PDSS2: variants seen among roughly 807,000 people sequenced by gnomAD.
PDSS2 encodes the protein decaprenyl diphosphate synthase subunit 2.
In PDSS2, 31 loss-of-function variants were observed where a neutral mutation model predicts 44.5. The observed-to-expected ratio is 0.70, with a 90% CI of 0.52 to 0.94. The LOEUF (loss-of-function observed/expected upper bound fraction) is 0.94. Among genes scored for constraint, PDSS2 ranks in the 40% least tolerant of loss-of-function variants. The pLI, the probability that PDSS2 is intolerant of heterozygous loss-of-function variation, is 0.00. For missense variants in PDSS2, 452 were observed against 482.2 expected, an observed-to-expected ratio of 0.94 and a Z score of 0.59; for synonymous variants, 157 against 180.3, an observed-to-expected ratio of 0.87 and a Z score of 1.03.
At chr6:107,288,891 T>TG (rs1776250304) in intron 2 of PDSS2, among the ~76,000 whole-genome samples, 1 of 149,410 alleles carries the variant, frequency 6.7e-6, no homozygotes. Context: ...CCCGAGTAGC[T>TG]GGGATTACAC....
chr6:107,225,808 C>G (rs1370341867), intron 4 of PDSS2, among the ~76,000 whole-genome samples: 1 of 152,132 alleles, frequency 6.6e-6, no homozygotes, highest in Non-Finnish European at 1.5e-5. Flanking sequence ...TTCATTTAAA[C>G]TTGGGAAGAC....
chr6:107,423,264 T>C (rs1780883962), intron 1 of PDSS2, among the ~76,000 whole-genome samples: 1 of 152,098 alleles, frequency 6.6e-6, no homozygotes, highest in Admixed American at 6.5e-5. Flanking sequence ...CCATTTGTCA[T>C]AGAAGAAAGC....
chr6:107,448,978 CCACT>C (rs1022262664), intron 1 of PDSS2, among the ~76,000 whole-genome samples: 1 of 152,162 alleles, frequency 6.6e-6, no homozygotes, highest in Non-Finnish European at 1.5e-5. Context: ...CAATTACCAC[CCACT>C]GAGTCCCTCC....
In PDSS2 at chr6:107,407,516, T is replaced by C. The variant is rs187050783; in HGVS notation, c.296+51474A>G. On this transcript the variant is annotated intron_variant, in intron 1 of 7. Transcript: ENST00000369037. ...TTGGAGGTATGAGGAATTTGTTTTC[T>C]ATGCCACTTACCAACTTGTTAGCAA... Among the ~76,000 whole-genome samples the C allele has an allele frequency of 1.3e-4, 20 of 152,344 alleles. No homozygotes were observed. In the East Asian group the frequency reaches 3.9e-3, roughly 29 times the overall value.
intron 1 of PDSS2, among the ~76,000 whole-genome samples, chr6:107,427,992 G>A (rs1781058585): frequency 6.6e-6 from 1 of 152,128 alleles, no homozygotes; most frequent in African/African-American, 2.4e-5. Context: ...TTTTTACAGA[G>A]GTTGTGCACC....
At chr6:107,287,510 T>G (rs570964312) in intron 2 of PDSS2, among the ~76,000 whole-genome samples, 1 of 152,166 alleles carries the variant, frequency 6.6e-6, no homozygotes, top group African/African-American at 2.4e-5. Flanking sequence ...AAACATTTTT[T>G]TAATTAAAAA....
intron 7 of PDSS2, among the ~76,000 whole-genome samples, chr6:107,181,479 T>G (rs1279604369): frequency 3.0e-5 from 4 of 133,126 alleles, no homozygotes; most frequent in Non-Finnish European, 4.8e-5. Flanking sequence ...GTTGCAGTAA[T>G]TTAAGATTGT....
intron 1 of PDSS2, among the ~76,000 whole-genome samples, chr6:107,377,751 T>C (rs1469864432): frequency 1.3e-5 from 2 of 151,860 alleles, no homozygotes; most frequent in African/African-American, 2.4e-5. Flanking sequence ...ATGGATGAAA[T>C]TGGAAATCAT....
intron 6 of PDSS2, among the ~76,000 whole-genome samples, chr6:107,209,363 T>C (rs889839413): frequency 6.6e-6 from 1 of 152,128 alleles, no homozygotes; most frequent in Non-Finnish European, 1.5e-5. Flanking sequence ...GGATATGCCA[T>C]GTTTACTGAG....
chr6:107,438,087 C>A (rs1341686003), intron 1 of PDSS2, among the ~76,000 whole-genome samples: 3 of 152,134 alleles, frequency 2.0e-5, no homozygotes, highest in Non-Finnish European at 4.4e-5. Flanking sequence ...TAACAGGCAG[C>A]AAGGTGGATA....
At chr6:107,172,118 T>C (rs1554248746) in intron 7 of PDSS2, among the ~76,000 whole-genome samples, 1 of 152,118 alleles carries the variant, frequency 6.6e-6, no homozygotes, top group African/African-American at 2.4e-5. Flanking sequence ...GGGGATCCAA[T>C]TAAAGATATT....
chr6:107,273,907 T>C (rs1775685147), intron 3 of PDSS2, 122 bp downstream of exon 3: 3 of 762,810 alleles, frequency 3.9e-6, no homozygotes, highest in South Asian at 2.8e-5. Context: ...ACAGTTTTAC[T>C]GTTTACTGAG....
intron 7 of PDSS2, among the ~76,000 whole-genome samples, chr6:107,178,865 C>A (rs1422833704): frequency 6.6e-6 from 1 of 152,038 alleles, no homozygotes; most frequent in African/African-American, 2.4e-5. Flanking sequence ...TTAAAAAAAA[C>A]AAATAACAAA....
intron 1 of PDSS2, among the ~76,000 whole-genome samples, chr6:107,401,269 A>T (rs192435829): frequency 3.3e-3 from 505 of 152,290 alleles, no homozygotes; most frequent in Non-Finnish European, 5.5e-3. Context: ...CTGGTACATT[A>T]CTACTACAAC....
intron 6 of PDSS2, among the ~76,000 whole-genome samples, chr6:107,204,920 G>T (rs1272419475): frequency 6.6e-6 from 1 of 152,142 alleles, no homozygotes; most frequent in Non-Finnish European, 1.5e-5. Flanking sequence ...GAGATATCTA[G>T]AGCCATTTCA....
intron 2 of PDSS2, among the ~76,000 whole-genome samples, chr6:107,304,965 A>C (rs1776810027): frequency 6.6e-6 from 1 of 151,632 alleles, no homozygotes; most frequent in South Asian, 2.1e-4. Flanking sequence ...CTGCTCCTCC[A>C]GTCCCCTCTT....
At chr6:107,179,810 G>A (rs1177290473) in intron 7 of PDSS2, among the ~76,000 whole-genome samples, 2 of 152,190 alleles carry the variant, frequency 1.3e-5, no homozygotes, top group African/African-American at 4.8e-5. Flanking sequence ...TGGGGAGGCT[G>A]AGTAGTGCTT....
At chr6:107,197,604 A>C (rs1772613223) in intron 6 of PDSS2, among the ~76,000 whole-genome samples, 1 of 152,046 alleles carries the variant, frequency 6.6e-6, no homozygotes, top group Non-Finnish European at 1.5e-5. Flanking sequence ...ATGTTGGGTC[A>C]TAGAAGTGTC....
At chr6:107,321,656 T>C (rs1286975446) in intron 2 of PDSS2, among the ~76,000 whole-genome samples, 1 of 152,200 alleles carries the variant, frequency 6.6e-6, no homozygotes, top group African/African-American at 2.4e-5. Context: ...AAACCAGCTC[T>C]ACTTCTGCCA....
Sources: gnomAD v4.1 joint callset for allele counts (sites outside exome capture counted in the v4.1 genomes callset) on GRCh38, gnomAD v4.1.1 for gene constraint, MANE v1.5 for transcripts, NCBI Gene and HGNC (gene_info 2026-07-23, HGNC 2026-07-21) for gene names.